TRMT11: variants seen among roughly 807,000 people sequenced by gnomAD.
TRMT11 encodes tRNA (guanine(10)-N(2))-methyltransferase TRMT11.
A neutral mutation model predicts 62.8 loss-of-function variants in TRMT11; 53 were observed. The ratio of observed to expected loss-of-function variants is 0.84; its 90% CI spans 0.68 to 1.06. The LOEUF (loss-of-function observed/expected upper bound fraction) is 1.06, where lower values mean the gene tolerates loss of function less well. Among genes scored for constraint, TRMT11 ranks in the 50% least tolerant of loss-of-function variants. The probability of loss-of-function intolerance (pLI) is 0.00; values close to 1 mark genes in which losing one functional copy is unlikely to be tolerated. For synonymous variants in TRMT11, 188 were observed against 190.3 expected (o/e 0.99, Z 0.10); for missense variants, 556 against 553.4 (o/e 1.00, Z -0.05).
At chr6:126,081,146 C>T (rs1050190407) in intron 17 of TRMT11, among the ~76,000 whole-genome samples, 3 of 152,112 alleles carry the variant, frequency 2.0e-5, no homozygotes, top group East Asian at 3.9e-4. Flanking sequence ...TAAATTTAAT[C>T]GGGAGGTAAT....
the TRMT11 span, among the ~76,000 whole-genome samples, chr6:126,265,621 T>C: frequency 6.6e-6 from 1 of 152,122 alleles, no homozygotes; most frequent in Non-Finnish European, 1.5e-5. Flanking sequence ...TTTTACCTTT[T>C]TAATGTATAA....
chr6:126,240,686 T>C, the TRMT11 span, among the ~76,000 whole-genome samples: 1 of 152,214 alleles, frequency 6.6e-6, no homozygotes, highest in Non-Finnish European at 1.5e-5. Context: ...AGTCTGTCCA[T>C]TCTCAGGTCT....
downstream of TRMT11, among the ~76,000 whole-genome samples, chr6:126,208,587 T>C (rs1778809968): frequency 6.6e-6 from 1 of 152,176 alleles, no homozygotes; most frequent in South Asian, 2.1e-4. Flanking sequence ...AAAGGATAGA[T>C]GAAAGGACTG....
chr6:126,133,671 G>A (rs1052212134), intron 21 of TRMT11, among the ~76,000 whole-genome samples: 3 of 151,884 alleles, frequency 2.0e-5, no homozygotes, highest in African/African-American at 7.3e-5. Flanking sequence ...AGGAAGATTG[G>A]TATCTGAGGA....
At chr6:126,002,354 T>C (rs1366794837) in intron 7 of TRMT11, among the ~76,000 whole-genome samples, 1 of 152,192 alleles carries the variant, frequency 6.6e-6, no homozygotes, top group Non-Finnish European at 1.5e-5. Flanking sequence ...TTGACTACCC[T>C]ATTCTATGTT....
chr6:126,042,767 A>G (rs528780710), downstream of TRMT11, among the ~76,000 whole-genome samples: 1 of 152,218 alleles, frequency 6.6e-6, no homozygotes, highest in Non-Finnish European at 1.5e-5. Flanking sequence ...AGTTAGTCAA[A>G]TTAAAAGAAA....
At chr6:126,235,401 C>T in the TRMT11 span, among the ~76,000 whole-genome samples, 4 of 152,232 alleles carry the variant, frequency 2.6e-5, no homozygotes, top group South Asian at 6.2e-4. Flanking sequence ...GGTACATGTA[C>T]GCATATGTTC....
intron 2 of TRMT11, among the ~76,000 whole-genome samples, chr6:125,995,726 A>G (rs1791393356): frequency 1.3e-5 from 2 of 152,246 alleles, no homozygotes; most frequent in African/African-American, 4.8e-5. Context: ...AAGGGCAGAT[A>G]CAAAATTAAT....
intron 17 of TRMT11, among the ~76,000 whole-genome samples, chr6:126,079,045 C>G (rs960382957): frequency 6.6e-6 from 1 of 152,086 alleles, no homozygotes; most frequent in Admixed American, 6.6e-5. Flanking sequence ...GTTAAATTCT[C>G]AGCTGGTGAG....
At chr6:126,260,638 C>G in the TRMT11 span, among the ~76,000 whole-genome samples, 1 of 152,080 alleles carries the variant, frequency 6.6e-6, no homozygotes, top group Non-Finnish European at 1.5e-5. Flanking sequence ...TTCTCTCAGG[C>G]TTTGTTTTTC....
At chr6:126,167,354 T>G (rs924779633) in intron 21 of TRMT11, among the ~76,000 whole-genome samples, 10 of 152,176 alleles carry the variant, frequency 6.6e-5, no homozygotes, top group Non-Finnish European at 1.5e-4. Flanking sequence ...ACAGCTTCCC[T>G]TGGCTAGGGG....
At chr6:126,171,811 C>T (rs757735606) in intron 21 of TRMT11, among the ~76,000 whole-genome samples, 7 of 151,150 alleles carry the variant, frequency 4.6e-5, no homozygotes, top group African/African-American at 1.2e-4. Flanking sequence ...TTCTGCCTCC[C>T]GGCTTCAAAC....
the TRMT11 span, among the ~76,000 whole-genome samples, chr6:126,240,922 C>T: frequency 1.3e-5 from 2 of 152,236 alleles, no homozygotes; most frequent in African/African-American, 4.8e-5. Flanking sequence ...GCACCCCTCC[C>T]CCAGCCTCGC....
the TRMT11 span, among the ~76,000 whole-genome samples, chr6:126,247,441 A>AT: frequency 7.5e-5 from 10 of 132,458 alleles, no homozygotes; most frequent in Admixed American, 1.6e-4. Context: ...GACACAGAAC[A>AT]TATCTATCTA....
intron 17 of TRMT11, among the ~76,000 whole-genome samples, chr6:126,054,281 T>C (rs570290684): frequency 6.6e-6 from 1 of 152,302 alleles, no homozygotes; most frequent in South Asian, 2.1e-4. Context: ...TGGTTCTAGG[T>C]CTCAGTTAAT....
chr6:126,123,108 T>C (rs1777668424), intron 21 of TRMT11, among the ~76,000 whole-genome samples: 1 of 152,142 alleles, frequency 6.6e-6, no homozygotes, highest in African/African-American at 2.4e-5. Flanking sequence ...ATCTGCCTTG[T>C]AGCCTTGCTT....
intron 12 of TRMT11, among the ~76,000 whole-genome samples, chr6:126,026,991 A>G (rs1042062394): frequency 4.0e-5 from 6 of 151,028 alleles, no homozygotes; most frequent in Non-Finnish European, 7.4e-5. Flanking sequence ...TATTTTTAGT[A>G]GAGACGGGGT....
intron 21 of TRMT11, among the ~76,000 whole-genome samples, chr6:126,168,621 C>T (rs1027791308): frequency 6.6e-6 from 1 of 152,122 alleles, no homozygotes; most frequent in Non-Finnish European, 1.5e-5. Flanking sequence ...TGGGTTCAAG[C>T]GATTCTCCTG....
chr6:125,993,129 T>G (rs554326810), intron 1 of TRMT11, among the ~76,000 whole-genome samples: 71 of 152,314 alleles, frequency 4.7e-4, no homozygotes, highest in Admixed American at 9.8e-4. Context: ...TGATTCTACC[T>G]GTTTTATGTG....
Sources: gnomAD v4.1 joint callset for allele counts (sites outside exome capture counted in the v4.1 genomes callset) on GRCh38, gnomAD v4.1.1 for gene constraint, MANE v1.5 for transcripts, NCBI Gene and HGNC (gene_info 2026-07-23, HGNC 2026-07-21) for gene names.